The following PLB1 variants were observed in gnomAD, a reference collection of about 807,000 sequenced individuals.
PLB1 encodes phospholipase B1.
Under a neutral mutation model 227.4 loss-of-function variants are expected in PLB1, and 242 were observed. The observed-to-expected ratio is 1.06, with a 90% CI of 0.96 to 1.18. The LOEUF (loss-of-function observed/expected upper bound fraction) is 1.18, where lower values mean the gene tolerates loss of function less well. Ranked by LOEUF, PLB1 falls within the 50% of genes most tolerant of loss-of-function variation. PLB1 has a pLI of 0.00. For synonymous variants in PLB1, 757 were observed against 682.2 expected (o/e 1.11, Z -1.71); for missense variants, 1,858 against 1,816.3 (o/e 1.02, Z -0.42).
At chr2:28,602,654 G>A (rs1270234980) in intron 38 of PLB1, among the ~76,000 whole-genome samples, 167 bp from the exon 39 acceptor site, 2 of 152,234 alleles carry the variant, frequency 1.3e-5, no homozygotes, top group Non-Finnish European at 2.9e-5. Flanking sequence ...GTTGTGTGAT[G>A]TACGGCCTGT....
intron 14 of PLB1, among the ~76,000 whole-genome samples, chr2:28,545,852 G>C (rs1363606836): frequency 6.6e-6 from 1 of 152,164 alleles, no homozygotes; most frequent in Non-Finnish European, 1.5e-5. Flanking sequence ...GGGGAGCAGA[G>C]AGGGACTGGC....
chr2:28,531,564 G>T (rs914406673), intron 8 of PLB1, among the ~76,000 whole-genome samples: 2 of 152,176 alleles, frequency 1.3e-5, no homozygotes, highest in African/African-American at 4.8e-5. Context: ...GCCCAACTCG[G>T]CCTCCCAAAG....
chr2:28,583,487 G>A (rs189108395), intron 25 of PLB1, among the ~76,000 whole-genome samples: 2 of 152,108 alleles, frequency 1.3e-5, no homozygotes, highest in Admixed American at 6.5e-5. Flanking sequence ...GCCTGGCCCC[G>A]AATCCAAAAC....
At chr2:28,594,076 G>A (rs1387517958) in intron 33 of PLB1, 2 of 654,216 alleles carry the variant, frequency 3.1e-6, no homozygotes, top group African/African-American at 1.8e-5. Context: ...CCGCTTGCAT[G>A]TATACGTGTA....
Position 28,617,763 on chromosome 2 carries a change from G to T in PLB1, c.3232G>T (p.Ala1078Ser), listed in dbSNP as rs765033941. 2 of 1,614,120 alleles carry T rather than the reference G, an allele frequency of 1.2e-6. No homozygotes were observed. Among genetic ancestry groups the T allele is most frequent in the Non-Finnish European group, 8.5e-7 (1 of 1,179,962 alleles). ...GSDFLCTEWK[A>S]SNSVPTSVHQ... ...TGACTTCCTGTGTACAGAGTGGAAG[G>T]CTTCCAATAGTGTTCCAACCTCTGG... The change falls in exon 45 of 58, where the codon GCT becomes TCT. Residue 1078 changes from alanine (A) to serine (S), a missense_variant. Transcript: ENST00000327757.
At chr2:28,518,246 A>G (rs1057368482) in intron 2 of PLB1, among the ~76,000 whole-genome samples, 6 of 152,154 alleles carry the variant, frequency 3.9e-5, no homozygotes, top group African/African-American at 1.4e-4. Context: ...GTTCTGAGGC[A>G]TTCTTGCCAC....
At chr2:28,562,736 G>A (rs1054571586) in intron 17 of PLB1, among the ~76,000 whole-genome samples, 6 of 151,714 alleles carry the variant, frequency 4.0e-5, no homozygotes, top group East Asian at 3.9e-4. Flanking sequence ...GCCACCACTC[G>A]CCTTGTAGCA....
chr2:28,510,773 G>A (rs1298941720), intron 1 of PLB1, among the ~76,000 whole-genome samples: 2 of 76,976 alleles, frequency 2.6e-5, no homozygotes, highest in East Asian at 5.1e-4. Flanking sequence ...ACCACACTCA[G>A]ATAATTGTGT....
intron 51 of PLB1, 113 bp downstream of exon 51, chr2:28,626,621 C>T (rs940573422): frequency 8.7e-6 from 8 of 923,748 alleles, no homozygotes; most frequent in South Asian, 1.4e-5. Flanking sequence ...ATGGGAACCA[C>T]ATTTGCCTGC....
At chr2:28,524,330 T>G (rs1436360880) in intron 4 of PLB1, among the ~76,000 whole-genome samples, 2 of 152,188 alleles carry the variant, frequency 1.3e-5, no homozygotes, top group Non-Finnish European at 2.9e-5. Flanking sequence ...TGGGCACAAT[T>G]CCAAGCTTTC....
rs553294178 is a variant in PLB1, at chr2:28,632,758, A to G, written c.4003-186A>G. On this transcript the variant is annotated intron_variant, in intron 55 of 57. Transcript: ENST00000327757. ...CTGACAGTGCGAAACTCCGTCTCAAAAAAAAAGAAAAAAGAAAAAAAGAAA... is the reference window on the plus strand; with the variant it reads ...CTGACAGTGCGAAACTCCGTCTCAAGAAAAAAGAAAAAAGAAAAAAAGAAA... 2.0e-5 allele frequency among the ~76,000 whole-genome samples: 3 copies of G among 151,032 alleles called. No individual in the cohort carries two copies. The South Asian group carries it at 6.2e-4, about 31-fold the overall frequency.
At chr2:28,543,372 C>T (rs1321208808) in intron 14 of PLB1, 104 bp downstream of exon 14, 4 of 1,249,054 alleles carry the variant, frequency 3.2e-6, no homozygotes, top group Non-Finnish European at 3.3e-6. Flanking sequence ...CCCCAGGATC[C>T]CAGGACAATG....
At chr2:28,511,068 A>G (rs938714375) in intron 1 of PLB1, among the ~76,000 whole-genome samples, 26 of 152,174 alleles carry the variant, frequency 1.7e-4, no homozygotes, top group African/African-American at 6.3e-4. Context: ...TGCACCCTTG[A>G]CTTATTAAAG....
At chr2:28,521,891 C>G (rs1669575910) in intron 4 of PLB1, among the ~76,000 whole-genome samples, 2 of 152,036 alleles carry the variant, frequency 1.3e-5, no homozygotes, top group South Asian at 4.2e-4. Flanking sequence ...CCTCCCTCCC[C>G]ACTCCGCCTC....
intron 1 of PLB1, among the ~76,000 whole-genome samples, chr2:28,514,855 A>G (rs10209594): frequency 1.3e-5 from 2 of 151,832 alleles, no homozygotes; most frequent in African/African-American, 4.8e-5. Context: ...TTATTTTTTT[A>G]TTTTTTTAGA....
chr2:28,616,300 G>A (rs545454797), intron 44 of PLB1, among the ~76,000 whole-genome samples: 1 of 152,180 alleles, frequency 6.6e-6, no homozygotes, highest in Non-Finnish European at 1.5e-5. Flanking sequence ...TTTGATCACT[G>A]CACATTGTAG....
At chr2:28,607,176 C>G (rs1436308963) in intron 43 of PLB1, among the ~76,000 whole-genome samples, 2 of 152,320 alleles carry the variant, frequency 1.3e-5, no homozygotes, top group East Asian at 3.9e-4. Context: ...GGCAGGTTCT[C>G]ATTGTCTTCA....
intron 54 of PLB1, among the ~76,000 whole-genome samples, chr2:28,631,032 G>T (rs926967667): frequency 1.3e-5 from 2 of 151,854 alleles, no homozygotes; most frequent in Admixed American, 1.3e-4. Flanking sequence ...CTCACGTCTG[G>T]TGTCCCAGCT....
In PLB1 at chr2:28,578,176, G is replaced by A; in HGVS notation, c.1485+18G>A. 6.2e-7 allele frequency: 1 copy of A among 1,612,850 alleles called. No individual in the cohort carries two copies. The highest frequency in any genetic ancestry group is 8.5e-7 in the Non-Finnish European group (1 of 1,178,930). On this transcript the variant is annotated intron_variant, in intron 22 of 57. Coordinates refer to ENST00000327757, the MANE Select transcript of PLB1 (RefSeq NM_153021.5). The stretch of plus-strand genomic sequence containing the variant: ...ATGACACGGTGGGTCCCTGGGATGG[G>A]AAGTAGGCAGGAAAAATCCCTGGAC...
Sources: gnomAD v4.1 joint callset for allele counts (sites outside exome capture counted in the v4.1 genomes callset) on GRCh38, gnomAD v4.1.1 for gene constraint, MANE v1.5 for transcripts, NCBI Gene and HGNC (gene_info 2026-07-23, HGNC 2026-07-21) for gene names.